Variants in USH2A observed in about 807,000 individuals in gnomAD.
USH2A encodes usherin, also known as Usher syndrome 2A (autosomal recessive, mild).
In USH2A, 443 loss-of-function variants were observed where a neutral mutation model predicts 538.9. The ratio of observed to expected loss-of-function variants is 0.82; its 90% CI spans 0.76 to 0.89. The LOEUF (loss-of-function observed/expected upper bound fraction) is 0.89, where lower values mean the gene tolerates loss of function less well. Ranked by LOEUF, USH2A falls within the 40% of genes least tolerant of loss-of-function variation. USH2A has a pLI of 0.00. For missense variants in USH2A, 6,633 were observed against 6,324.8 expected, an observed-to-expected ratio of 1.05 and a Z score of -1.65; for synonymous variants, 2,413 against 2,273.5, an observed-to-expected ratio of 1.06 and a Z score of -1.75.
At chr1:215,687,650 A>G (rs559095302) in intron 61 of USH2A, among the ~76,000 whole-genome samples, 2 of 152,292 alleles carry the variant, frequency 1.3e-5, no homozygotes, top group Admixed American at 1.3e-4. Context: ...AATCAGTCAC[A>G]CTAAATATTA....
At chr1:215,877,981 G>T in intron 42 of USH2A, 101 bp from the exon 43 acceptor site, 2 of 1,495,358 alleles carry the variant, frequency 1.3e-6, no homozygotes, top group Non-Finnish European at 9.3e-7. Context: ...ATATATGCGT[G>T]GAAGCATAAA....
rs898196440 is a variant in USH2A, at chr1:215,873,205, A to T, written c.8681+4553T>A. Among the ~76,000 whole-genome samples the T allele has an allele frequency of 3.3e-4, 50 of 152,168 alleles. 1 individual carries two copies. The highest frequency in any genetic ancestry group is 1.2e-4 in the Non-Finnish European group (8 of 68,028). On this transcript the variant is annotated intron_variant, in intron 43 of 71. Transcript: ENST00000307340. ...AAGACATGTTTACTCCTTTTGAATTAAGTGCATGGCTATGAGATGGCATAC... is the reference window on the plus strand; with the variant it reads ...AAGACATGTTTACTCCTTTTGAATTTAGTGCATGGCTATGAGATGGCATAC...
chr1:216,406,181 T>C (rs900361526), intron 3 of USH2A, among the ~76,000 whole-genome samples: 9 of 152,252 alleles, frequency 5.9e-5, no homozygotes, highest in South Asian at 4.1e-4. Flanking sequence ...CATAGGAATA[T>C]ATGAAAAATG....
intron 20 of USH2A, among the ~76,000 whole-genome samples, chr1:216,178,464 A>G (rs756920814): frequency 6.6e-6 from 1 of 152,168 alleles, no homozygotes; most frequent in Non-Finnish European, 1.5e-5. Flanking sequence ...TTAGAGTTAC[A>G]TATTTGTATT....
intron 32 of USH2A, among the ~76,000 whole-genome samples, chr1:216,015,016 C>T (rs1218106131): frequency 6.6e-6 from 1 of 152,132 alleles, no homozygotes; most frequent in East Asian, 1.9e-4. Flanking sequence ...TGATCTAATA[C>T]ATATTGTCTG....
chr1:215,877,742 G>T lies in USH2A; in HGVS notation c.8681+16C>A. 6.2e-7 allele frequency: 1 copy of T among 1,613,212 alleles called. No homozygotes were observed. The highest frequency in any genetic ancestry group is 8.5e-7 in the Non-Finnish European group (1 of 1,179,394). ...CTAAATGCCAGCATTTGTTTTTATAGTTTTTGTAATCTCACCTGCTAAGAC... is the reference window on the plus strand; with the variant it reads ...CTAAATGCCAGCATTTGTTTTTATATTTTTTGTAATCTCACCTGCTAAGAC... On this transcript the variant is annotated intron_variant, in intron 43 of 71. Transcript: ENST00000307340.
At chr1:215,661,856 G>A (rs766284620) in intron 64 of USH2A, among the ~76,000 whole-genome samples, 4 of 152,118 alleles carry the variant, frequency 2.6e-5, no homozygotes, top group Non-Finnish European at 4.4e-5. Flanking sequence ...TGGAAATCGT[G>A]CTGTCCCTGA....
intron 32 of USH2A, among the ~76,000 whole-genome samples, chr1:216,010,076 A>C (rs1265114531): frequency 2.0e-5 from 3 of 152,160 alleles, no homozygotes; most frequent in Non-Finnish European, 2.9e-5. Context: ...TAAAACTCCA[A>C]AAATTAAATT....
intron 3 of USH2A, among the ~76,000 whole-genome samples, chr1:216,391,752 T>C (rs912443598): frequency 2.0e-5 from 3 of 152,232 alleles, no homozygotes; most frequent in African/African-American, 7.2e-5. Flanking sequence ...TGAGGTTAAG[T>C]GACTTGCCTA....
At chr1:215,921,971 A>G (rs896312355) in intron 38 of USH2A, among the ~76,000 whole-genome samples, 2 of 152,078 alleles carry the variant, frequency 1.3e-5, no homozygotes, top group Non-Finnish European at 2.9e-5. Context: ...TTTTCTCTAG[A>G]TACTGGGCAC....
intron 38 of USH2A, among the ~76,000 whole-genome samples, chr1:215,927,760 CATAAT>C (rs1454303371): frequency 6.6e-6 from 1 of 151,742 alleles, no homozygotes; most frequent in Non-Finnish European, 1.5e-5. Flanking sequence ...TACCCCTAAA[CATAAT>C]ATAAAAGATG....
intron 47 of USH2A, among the ~76,000 whole-genome samples, chr1:215,818,338 AATTTT>A (rs1003178175): frequency 2.6e-5 from 4 of 151,854 alleles, no homozygotes; most frequent in Admixed American, 6.6e-5. Context: ...CAAATTGAGA[AATTTT>A]ATAGTCACTA....
intron 55 of USH2A, among the ~76,000 whole-genome samples, chr1:215,769,690 C>T (rs1661226530): frequency 6.6e-6 from 1 of 152,134 alleles, no homozygotes; most frequent in African/African-American, 2.4e-5. Flanking sequence ...AAGGAATTTG[C>T]TTCTCTTGAA....
chr1:216,287,137 G>T (rs186483143), intron 11 of USH2A, among the ~76,000 whole-genome samples: 1 of 152,232 alleles, frequency 6.6e-6, no homozygotes, highest in East Asian at 1.9e-4. Flanking sequence ...TGCAATGCTG[G>T]TTCAACATTT....
intron 61 of USH2A, among the ~76,000 whole-genome samples, chr1:215,697,248 C>A (rs1199053196): frequency 6.6e-6 from 1 of 151,954 alleles, no homozygotes; most frequent in East Asian, 1.9e-4. Flanking sequence ...TGTGAGTCAC[C>A]TCACCTGGCC....
intron 48 of USH2A, among the ~76,000 whole-genome samples, chr1:215,814,211 T>C (rs1662792862): frequency 6.8e-6 from 1 of 146,608 alleles, no homozygotes. Flanking sequence ...ATATAAAATT[T>C]TAATTTTATA....
intron 38 of USH2A, among the ~76,000 whole-genome samples, chr1:215,929,843 G>A (rs1171029002): frequency 6.6e-6 from 1 of 151,946 alleles, no homozygotes; most frequent in Non-Finnish European, 1.5e-5. Context: ...CAACGTCTAT[G>A]CTTTTGCGAT....
chr1:216,215,848 A>C (rs2035332473), intron 15 of USH2A, among the ~76,000 whole-genome samples: 1 of 152,114 alleles, frequency 6.6e-6, no homozygotes, highest in African/African-American at 2.4e-5. Flanking sequence ...TCCAGTTAAT[A>C]AAACATAAAA....
chr1:215,857,838 G>T (rs888034692), intron 44 of USH2A, among the ~76,000 whole-genome samples: 2 of 147,990 alleles, frequency 1.4e-5, no homozygotes, highest in East Asian at 4.0e-4. Flanking sequence ...TTGAAAGGGT[G>T]GTTTCTGCTT....
Sources: allele counts gnomAD v4.1 joint callset (sites outside exome capture counted in the v4.1 genomes callset), GRCh38; gene constraint gnomAD v4.1.1; transcripts MANE v1.5; gene names NCBI Gene and HGNC (gene_info 2026-07-23, HGNC 2026-07-21).